Variants in KIAA0825 observed in about 807,000 individuals in gnomAD.
KIAA0825 encodes KIAA0825, also known as uncharacterized protein KIAA0825.
In KIAA0825, 119 loss-of-function variants were observed where a neutral mutation model predicts 147.6. The observed-to-expected ratio is 0.81, with a 90% CI of 0.69 to 0.94. KIAA0825 has a LOEUF of 0.94. Ranked by LOEUF, KIAA0825 falls within the 40% of genes least tolerant of loss-of-function variation. The pLI, the probability that KIAA0825 is intolerant of heterozygous loss-of-function variation, is 0.00. For missense variants in KIAA0825, 1,381 were observed against 1,472.7 expected (o/e 0.94, Z 1.02); for synonymous variants, 470 against 518.1 (o/e 0.91, Z 1.26).
At chr5:94,461,341 A>G (rs991038817) in intron 12 of KIAA0825, among the ~76,000 whole-genome samples, 1 of 151,954 alleles carries the variant, frequency 6.6e-6, no homozygotes, top group Non-Finnish European at 1.5e-5. Flanking sequence ...CATTGAACTG[A>G]GAGCACAGCA....
intron 20 of KIAA0825, among the ~76,000 whole-genome samples, chr5:94,267,493 G>A (rs970585646): frequency 5.3e-5 from 8 of 152,224 alleles, no homozygotes; most frequent in Middle Eastern, 3.4e-3. Flanking sequence ...GAGTGAAACC[G>A]TGTGTATCAC....
intron 1 of KIAA0825, among the ~76,000 whole-genome samples, chr5:94,608,084 A>G (rs1360932368): frequency 6.6e-6 from 1 of 151,886 alleles, no homozygotes; most frequent in African/African-American, 2.4e-5. Flanking sequence ...CCCCTTGGCC[A>G]TGTAACATAA....
At chr5:94,377,657 A>G (rs180817886) in intron 20 of KIAA0825, among the ~76,000 whole-genome samples, 1 of 152,320 alleles carries the variant, frequency 6.6e-6, no homozygotes, top group Non-Finnish European at 1.5e-5. Flanking sequence ...ATAGCATCAA[A>G]AGTAAAGGTG....
chr5:94,152,865 T>A lies in KIAA0825; in HGVS notation c.*1142A>T, dbSNP rs1475804593. Reference sequence around the variant, plus strand: ...AAAAAAAAAAAAAAAATTATATATATATATATATATATATATATATATATA... The same window carrying A: ...AAAAAAAAAAAAAAAATTATATATAAATATATATATATATATATATATATA... On this transcript the variant is annotated 3_prime_UTR_variant, in exon 21 of 21. Transcript: ENST00000682413. The A allele has an allele frequency of 2.2e-3, 16 of 7,332 alleles. No homozygotes were observed. Among genetic ancestry groups the A allele is most frequent in the East Asian group, 3.8e-3 (1 of 266 alleles). 0.5% of individuals were successfully genotyped at this position (7,332 alleles called of 1,614,324 possible).
intron 2 of KIAA0825, among the ~76,000 whole-genome samples, chr5:94,543,933 TG>T (rs1773840596): frequency 1.3e-5 from 2 of 152,200 alleles, no homozygotes; most frequent in South Asian, 4.1e-4. Context: ...ATCCACCCCT[TG>T]TTTAGCATAT....
intron 20 of KIAA0825, among the ~76,000 whole-genome samples, chr5:94,242,418 G>A (rs1357856524): frequency 3.3e-5 from 5 of 152,030 alleles, no homozygotes; most frequent in South Asian, 2.1e-4. Flanking sequence ...AGCACCTAAC[G>A]TGAGTGGTCT....
intron 3 of KIAA0825, among the ~76,000 whole-genome samples, chr5:94,529,400 T>C (rs1770273919): frequency 1.4e-5 from 2 of 146,866 alleles, no homozygotes; most frequent in East Asian, 1.9e-4. Flanking sequence ...ATATCATATG[T>C]ATATCTCATA....
chr5:94,417,490 A>G (rs958704915), intron 14 of KIAA0825, 125 bp from the exon 15 acceptor site: 1 of 695,474 alleles, frequency 1.4e-6, no homozygotes, highest in Non-Finnish European at 2.2e-6. Flanking sequence ...ATTTACATAA[A>G]AAGAGAATTA....
intron 20 of KIAA0825, among the ~76,000 whole-genome samples, chr5:94,196,221 AC>A (rs1771114555): frequency 6.6e-6 from 1 of 152,142 alleles, no homozygotes; most frequent in Non-Finnish European, 1.5e-5. Context: ...TTTGCACACT[AC>A]TGGCTACATA....
chr5:94,463,066 G>A (rs376930754), intron 11 of KIAA0825, among the ~76,000 whole-genome samples: 4 of 151,820 alleles, frequency 2.6e-5, no homozygotes, highest in South Asian at 2.1e-4. Flanking sequence ...AATGACAAAC[G>A]AAGCTCAAAT....
chr5:94,273,506 A>G (rs1225438008), intron 20 of KIAA0825, among the ~76,000 whole-genome samples: 2 of 152,178 alleles, frequency 1.3e-5, no homozygotes, highest in Non-Finnish European at 2.9e-5. Context: ...TCACCCAGAC[A>G]GTGAGCATAG....
intron 12 of KIAA0825, among the ~76,000 whole-genome samples, chr5:94,456,759 T>A (rs1169785124): frequency 6.6e-6 from 1 of 152,204 alleles, no homozygotes; most frequent in Non-Finnish European, 1.5e-5. Flanking sequence ...GTGCTCAATA[T>A]AAATAAGATA....
chr5:94,228,207 T>A (rs960948841), intron 20 of KIAA0825, among the ~76,000 whole-genome samples: 1 of 152,180 alleles, frequency 6.6e-6, no homozygotes, highest in Non-Finnish European at 1.5e-5. Flanking sequence ...TGAATTAAGT[T>A]TTATTAGAAT....
intron 2 of KIAA0825, among the ~76,000 whole-genome samples, chr5:94,556,486 T>C (rs764317006): frequency 6.6e-6 from 1 of 152,244 alleles, no homozygotes; most frequent in Non-Finnish European, 1.5e-5. Context: ...GATTTAAAGT[T>C]CTTAAATTAA....
chr5:94,312,053 A>G (rs1006394330), intron 20 of KIAA0825, among the ~76,000 whole-genome samples: 1 of 151,646 alleles, frequency 6.6e-6, no homozygotes, highest in Non-Finnish European at 1.5e-5. Flanking sequence ...GTGGACGTTA[A>G]AAATTCGCTC....
intron 20 of KIAA0825, among the ~76,000 whole-genome samples, chr5:94,316,134 G>C (rs1779636141): frequency 6.6e-6 from 1 of 151,540 alleles, no homozygotes; most frequent in Non-Finnish European, 1.5e-5. Flanking sequence ...GCCATCTCGT[G>C]TTATATATGG....
chr5:94,561,483 G>A (rs565103642), intron 2 of KIAA0825, among the ~76,000 whole-genome samples: 9 of 152,354 alleles, frequency 5.9e-5, no homozygotes, highest in South Asian at 2.1e-4. Flanking sequence ...CAGCTGGCAC[G>A]TGAAGTGAGG....
intron 2 of KIAA0825, chr5:94,568,167 T>G (rs1272652101): frequency 6.2e-6 from 1 of 160,688 alleles, no homozygotes. Flanking sequence ...TCCGGATCCA[T>G]TATTCATAAC....
At chr5:94,614,774 A>C (rs1176696624) in intron 1 of KIAA0825, among the ~76,000 whole-genome samples, 2 of 152,120 alleles carry the variant, frequency 1.3e-5, no homozygotes. Context: ...ATTGCCCTAC[A>C]TATAATTATT....
Sources: allele counts gnomAD v4.1 joint callset (sites outside exome capture counted in the v4.1 genomes callset), GRCh38; gene constraint gnomAD v4.1.1; transcripts MANE v1.5; gene names NCBI Gene and HGNC (gene_info 2026-07-23, HGNC 2026-07-21).